FBXL7: variants seen among roughly 807,000 people sequenced by gnomAD.
FBXL7 encodes F-box and leucine rich repeat protein 7, also known as F-box/LRR-repeat protein 7.
In FBXL7, 12 loss-of-function variants were observed where a neutral mutation model predicts 38.3. The observed-to-expected ratio is 0.31, with a 90% CI of 0.20 to 0.51. The LOEUF (loss-of-function observed/expected upper bound fraction) is 0.51. Among genes scored for constraint, FBXL7 ranks in the 20% least tolerant of loss-of-function variants. The pLI is 0.98. For synonymous variants in FBXL7, 297 were observed against 300.9 expected, an observed-to-expected ratio of 0.99 and a Z score of 0.13; for missense variants, 567 against 676.4, an observed-to-expected ratio of 0.84 and a Z score of 1.79.
At chr5:15,508,082 AC>A (rs1236280016) in intron 1 of FBXL7, among the ~76,000 whole-genome samples, 2 of 152,062 alleles carry the variant, frequency 1.3e-5, no homozygotes, top group African/African-American at 2.4e-5. Context: ...TGCATTTAAT[AC>A]CCCTAACCCA....
At chr5:15,709,350 A>G (rs973331165) in intron 2 of FBXL7, among the ~76,000 whole-genome samples, 13 of 152,106 alleles carry the variant, frequency 8.5e-5, no homozygotes, top group Non-Finnish European at 1.3e-4. Flanking sequence ...CCTGGCCAAC[A>G]TGGTACAACC....
chr5:15,538,050 C>G (rs1023174525), intron 1 of FBXL7, among the ~76,000 whole-genome samples: 5 of 152,190 alleles, frequency 3.3e-5, no homozygotes, highest in Non-Finnish European at 5.9e-5. Context: ...CCAGTCAAAT[C>G]AGATCTCTTC....
chr5:15,620,427 T>G (rs867364875), intron 2 of FBXL7, among the ~76,000 whole-genome samples: 30 of 149,716 alleles, frequency 2.0e-4, no homozygotes, highest in African/African-American at 2.9e-4. Context: ...TTTTTTTTTT[T>G]TAAGTAGAAA....
chr5:15,684,229 C>G (rs778845722), intron 2 of FBXL7, among the ~76,000 whole-genome samples: 13 of 152,134 alleles, frequency 8.5e-5, no homozygotes, highest in Non-Finnish European at 1.3e-4. Context: ...GCCTACGCAC[C>G]TGCTCTCAAC....
intron 1 of FBXL7, among the ~76,000 whole-genome samples, chr5:15,608,028 G>A (rs1027166765): frequency 6.6e-6 from 1 of 152,152 alleles, no homozygotes; most frequent in Non-Finnish European, 1.5e-5. Flanking sequence ...AAACTTTCAT[G>A]TGTGTAAAGC....
intron 2 of FBXL7, among the ~76,000 whole-genome samples, chr5:15,642,441 T>TA (rs761808994): frequency 3.3e-5 from 5 of 152,204 alleles, no homozygotes; most frequent in Non-Finnish European, 5.9e-5. Context: ...CGTTATGCCT[T>TA]ACACTCAATT....
intron 2 of FBXL7, among the ~76,000 whole-genome samples, chr5:15,640,944 G>C (rs1272610606): frequency 6.6e-6 from 1 of 152,134 alleles, no homozygotes; most frequent in African/African-American, 2.4e-5. Flanking sequence ...AGGGTAAGAG[G>C]AGCCCGTGTA....
At position 15,760,482 on chromosome 5, in the gene FBXL7, G is replaced by A. The variant is rs111945740; in HGVS notation, c.127+144410G>A. Among the ~76,000 whole-genome samples the A allele has an allele frequency of 4.0e-3, 607 of 151,382 alleles. 5 individuals carry two copies. The highest frequency in any genetic ancestry group is 0.014 in the African/African-American group (578 of 41,292). ...GTCCTAGATGAAAGTATTCAGGTCCGTCATGCTTCAGCTGTATACCTGCTG... is the reference window on the plus strand; with the variant it reads ...GTCCTAGATGAAAGTATTCAGGTCCATCATGCTTCAGCTGTATACCTGCTG... On this transcript the variant is annotated intron_variant, in intron 2 of 3. Transcript: ENST00000504595.
At chr5:15,697,216 A>C (rs1170783875) in intron 2 of FBXL7, among the ~76,000 whole-genome samples, 1 of 152,142 alleles carries the variant, frequency 6.6e-6, no homozygotes, top group Non-Finnish European at 1.5e-5. Flanking sequence ...TTGGGCCTTA[A>C]GGAATAGGTC....
intron 2 of FBXL7, among the ~76,000 whole-genome samples, chr5:15,891,939 T>C (rs1477628104): frequency 6.6e-6 from 1 of 151,920 alleles, no homozygotes; most frequent in African/African-American, 2.4e-5. Context: ...GGGCCAGAAG[T>C]AAAGGAACTC....
intron 2 of FBXL7, among the ~76,000 whole-genome samples, chr5:15,802,521 T>C (rs1440859422): frequency 6.6e-6 from 1 of 152,134 alleles, no homozygotes; most frequent in Non-Finnish European, 1.5e-5. Context: ...GCACTGGCTC[T>C]TTTTTCTTGA....
At chr5:15,919,728 T>C (rs997767340) in intron 2 of FBXL7, among the ~76,000 whole-genome samples, 1 of 152,192 alleles carries the variant, frequency 6.6e-6, no homozygotes, top group African/African-American at 2.4e-5. Context: ...TATTGTTTAA[T>C]TCAAACGTTA....
chr5:15,654,005 A>G (rs891257110), intron 2 of FBXL7, among the ~76,000 whole-genome samples: 48 of 152,348 alleles, frequency 3.2e-4, no homozygotes, highest in African/African-American at 1.1e-3. Context: ...ACTAGTAAAC[A>G]TCATTTAGCA....
At chr5:15,671,204 A>C (rs1266012245) in intron 2 of FBXL7, among the ~76,000 whole-genome samples, 3 of 152,050 alleles carry the variant, frequency 2.0e-5, no homozygotes, top group Non-Finnish European at 4.4e-5. Context: ...TGTACTCTAT[A>C]TTTTGTCTGC....
At chr5:15,916,015 A>C (rs1741574105) in intron 2 of FBXL7, among the ~76,000 whole-genome samples, 1 of 152,188 alleles carries the variant, frequency 6.6e-6, no homozygotes, top group Non-Finnish European at 1.5e-5. Context: ...GACCTGATGA[A>C]TGGTGATGCC....
chr5:15,532,819 A>G (rs1737467810), intron 1 of FBXL7, among the ~76,000 whole-genome samples: 2 of 152,332 alleles, frequency 1.3e-5, no homozygotes, highest in African/African-American at 4.8e-5. Flanking sequence ...CAGCCCAAGC[A>G]GTGGCTGTAG....
At chr5:15,524,874 G>T (rs1157294413) in intron 1 of FBXL7, among the ~76,000 whole-genome samples, 1 of 151,952 alleles carries the variant, frequency 6.6e-6, no homozygotes, top group African/African-American at 2.4e-5. Context: ...GTGGCCTCTG[G>T]CCGGTGGAAA....
chr5:15,858,392 G>C (rs1362816027), intron 2 of FBXL7, among the ~76,000 whole-genome samples: 1 of 152,074 alleles, frequency 6.6e-6, no homozygotes, highest in Admixed American at 6.6e-5. Flanking sequence ...ATTCAGGAAA[G>C]AGGTTCTTTT....
At chr5:15,867,310 C>A (rs1259970803) in intron 2 of FBXL7, among the ~76,000 whole-genome samples, 1 of 152,162 alleles carries the variant, frequency 6.6e-6, no homozygotes, top group Non-Finnish European at 1.5e-5. Flanking sequence ...AGAAGACTAC[C>A]TATCATCTCC....
Sources: allele counts gnomAD v4.1 joint callset (sites outside exome capture counted in the v4.1 genomes callset), GRCh38; gene constraint gnomAD v4.1.1; transcripts MANE v1.5; gene names NCBI Gene and HGNC (gene_info 2026-07-23, HGNC 2026-07-21).